Variants in GRID2 observed in about 807,000 individuals in gnomAD.
GRID2 encodes the protein glutamate ionotropic receptor delta type subunit 2.
A neutral mutation model predicts 114.8 loss-of-function variants in GRID2; 33 were observed. The ratio of observed to expected loss-of-function variants is 0.29; its 90% CI spans 0.22 to 0.38. The LOEUF is 0.38. Ranked by LOEUF, GRID2 falls within the 10% of genes least tolerant of loss-of-function variation. GRID2 has a pLI of 1.00. For missense variants in GRID2, 1,184 were observed against 1,257.7 expected (o/e 0.94, Z 0.89); for synonymous variants, 505 against 449.9 (o/e 1.12, Z -1.55).
At chr4:93,505,656 C>T (rs1327573704) in intron 12 of GRID2, among the ~76,000 whole-genome samples, 3 of 148,130 alleles carry the variant, frequency 2.0e-5, no homozygotes, top group African/African-American at 7.4e-5. Context: ...TCTAAAATGG[C>T]CTTTCATGGT....
Position 93,122,839 on chromosome 4 carries a change from A to T in GRID2, c.735+11886A>T, listed in dbSNP as rs148071424. Reference sequence around the variant, plus strand: ...AAATCTGAGTTTTAACTTTAGCTTTATAAGCTTGTATTGAAAGGCAGCTCT... The same window carrying T: ...AAATCTGAGTTTTAACTTTAGCTTTTTAAGCTTGTATTGAAAGGCAGCTCT... On this transcript the variant is annotated intron_variant, in intron 4 of 15. Coordinates refer to ENST00000282020, the MANE Select transcript of GRID2 (RefSeq NM_001510.4). 2.3e-3 allele frequency among the ~76,000 whole-genome samples: 334 copies of T among 142,180 alleles called. 1 individual carries two copies. The highest frequency in any genetic ancestry group is 8.3e-3 in the African/African-American group (317 of 38,384). The allele number at this position is 142,180 out of a possible 152,430, so 93.3% of individuals were successfully genotyped here.
chr4:93,331,971 T>A (rs1256083907), intron 8 of GRID2, among the ~76,000 whole-genome samples: 1 of 152,126 alleles, frequency 6.6e-6, no homozygotes, highest in Non-Finnish European at 1.5e-5. Context: ...TTCATTTTAT[T>A]CAGAGTCAGA....
intron 2 of GRID2, among the ~76,000 whole-genome samples, chr4:92,762,614 T>C (rs929465073): frequency 1.3e-5 from 2 of 152,202 alleles, no homozygotes; most frequent in Admixed American, 6.5e-5. Context: ...TAGGATGTAG[T>C]GATGCCCCAC....
At chr4:92,924,124 T>G (rs1749609155) in intron 2 of GRID2, among the ~76,000 whole-genome samples, 2 of 152,222 alleles carry the variant, frequency 1.3e-5, no homozygotes, top group East Asian at 1.9e-4. Flanking sequence ...CTGGAAACCA[T>G]CATTCTCAGC....
chr4:92,819,895 A>C (rs895890610), intron 2 of GRID2, among the ~76,000 whole-genome samples: 1 of 152,120 alleles, frequency 6.6e-6, no homozygotes, highest in African/African-American at 2.4e-5. Flanking sequence ...TCTTGTTTTG[A>C]TAATATATGA....
chr4:92,641,456 T>A (rs1224508478), intron 2 of GRID2, among the ~76,000 whole-genome samples: 2 of 151,414 alleles, frequency 1.3e-5, no homozygotes, highest in Non-Finnish European at 2.9e-5. Context: ...TTTTTTTCTT[T>A]TTTTTTTAGA....
intron 2 of GRID2, among the ~76,000 whole-genome samples, chr4:92,831,995 C>A (rs1404748931): frequency 6.6e-6 from 1 of 151,878 alleles, no homozygotes; most frequent in Non-Finnish European, 1.5e-5. Context: ...ACTGTTTCAG[C>A]AATGATTAGT....
At chr4:93,096,172 A>C (rs1560874030) in intron 3 of GRID2, among the ~76,000 whole-genome samples, 2 of 151,974 alleles carry the variant, frequency 1.3e-5, no homozygotes, top group Admixed American at 6.6e-5. Flanking sequence ...GAATCAAAAC[A>C]AAAATAAATT....
chr4:92,506,664 C>A, intron 1 of GRID2, among the ~76,000 whole-genome samples: 1 of 151,766 alleles, frequency 6.6e-6, no homozygotes, highest in East Asian at 1.9e-4. Context: ...GTATCCCTTA[C>A]CTATATACGA....
rs571910887 is a variant in GRID2 at position 92,333,333 on chromosome 4, C to A, written c.88+28589C>A. On this transcript the variant is annotated intron_variant, in intron 1 of 15. Transcript: ENST00000282020. ...GCACTGGAATGTAGTGGGCAGAGTA[C>A]CAAGCTGGCCATGGGCAGTGAATGC... Among the ~76,000 whole-genome samples the A allele has an allele frequency of 1.7e-3, 255 of 152,294 alleles. 2 individuals carry two copies. The Middle Eastern group carries it at 0.027, about 16-fold the overall frequency.
chr4:93,757,911 C>T (rs886366929), intron 14 of GRID2, among the ~76,000 whole-genome samples: 3 of 151,960 alleles, frequency 2.0e-5, no homozygotes. Context: ...GAGCCGAGAT[C>T]GCACCATTGT....
intron 5 of GRID2, among the ~76,000 whole-genome samples, chr4:93,209,436 T>A (rs1197891196): frequency 1.3e-5 from 2 of 152,154 alleles, no homozygotes; most frequent in African/African-American, 4.8e-5. Context: ...TCATTCCTTT[T>A]TTGTGATTGC....
At chr4:93,366,262 T>G (rs1182072812) in intron 8 of GRID2, among the ~76,000 whole-genome samples, 1 of 152,172 alleles carries the variant, frequency 6.6e-6, no homozygotes, top group Non-Finnish European at 1.5e-5. Context: ...CTGAATTCTT[T>G]TTCTCAGCAT....
chr4:93,498,893 G>A (rs1392107294), intron 12 of GRID2, among the ~76,000 whole-genome samples: 5 of 151,984 alleles, frequency 3.3e-5, no homozygotes, highest in Middle Eastern at 6.8e-3. Context: ...CGTTAGGTAT[G>A]ACATTATCTG....
intron 4 of GRID2, among the ~76,000 whole-genome samples, chr4:93,130,162 C>T (rs1027143885): frequency 5.8e-4 from 88 of 152,224 alleles, no homozygotes; most frequent in African/African-American, 2.1e-3. Context: ...CTTAAAAGAT[C>T]GGTGTGGTGG....
intron 14 of GRID2, among the ~76,000 whole-genome samples, chr4:93,703,574 C>T (rs1727710569): frequency 6.6e-6 from 1 of 151,754 alleles, no homozygotes; most frequent in Admixed American, 6.6e-5. Flanking sequence ...AAACATGTGC[C>T]ATGTTGGTGT....
intron 2 of GRID2, chr4:92,885,092 A>C (rs1746282585): frequency 3.1e-6 from 1 of 321,002 alleles, no homozygotes; most frequent in Admixed American, 4.5e-5. Flanking sequence ...TTATTGAAAT[A>C]AAAAAACTGT....
At chr4:93,419,177 T>G (rs1165586070) in intron 9 of GRID2, among the ~76,000 whole-genome samples, 2 of 151,590 alleles carry the variant, frequency 1.3e-5, no homozygotes, top group Non-Finnish European at 2.9e-5. Context: ...ATATTTTTGT[T>G]GAGCACAGTG....
chr4:93,389,042 A>G (rs534210606), intron 8 of GRID2, among the ~76,000 whole-genome samples: 9 of 152,342 alleles, frequency 5.9e-5, no homozygotes, highest in African/African-American at 1.9e-4. Context: ...TGCAATAGAG[A>G]TGCTTTACAC....
Sources: gnomAD v4.1 joint callset for allele counts (sites outside exome capture counted in the v4.1 genomes callset) on GRCh38, gnomAD v4.1.1 for gene constraint, MANE v1.5 for transcripts, NCBI Gene and HGNC (gene_info 2026-07-23, HGNC 2026-07-21) for gene names.